WDR37: variants seen among roughly 807,000 people sequenced by gnomAD.
WDR37 encodes the protein WD repeat-containing protein 37.
Under a neutral mutation model 62.9 loss-of-function variants are expected in WDR37, and 19 were observed. The observed-to-expected ratio is 0.30, with a 90% confidence interval of 0.21 to 0.44. The LOEUF is 0.44. Ranked by LOEUF, WDR37 falls within the 20% of genes least tolerant of loss-of-function variation. WDR37 has a pLI of 1.00. For synonymous variants in WDR37, 250 were observed against 260.9 expected (o/e 0.96, Z 0.40); for missense variants, 474 against 657.6 (o/e 0.72, Z 3.05).
chr10:1,092,179 CAAAA>C (rs1216415362), intron 7 of WDR37, among the ~76,000 whole-genome samples: 17 of 68,838 alleles, frequency 2.5e-4, no homozygotes, highest in Admixed American at 1.3e-3. Context: ...GACTCCGTCT[CAAAA>C]AAAAAAAAAA....
chr10:1,085,708 G>C (rs1834178222), intron 6 of WDR37, among the ~76,000 whole-genome samples: 1 of 152,150 alleles, frequency 6.6e-6, no homozygotes. Context: ...TGTTTTCATG[G>C]ATGAGCGCCT....
intron 11 of WDR37, among the ~76,000 whole-genome samples, chr10:1,119,888 A>G (rs138979771): frequency 4.6e-5 from 7 of 152,324 alleles, no homozygotes; most frequent in Non-Finnish European, 8.8e-5. Flanking sequence ...AGGGGTTTGG[A>G]GAGTAGCATG....
intron 6 of WDR37, among the ~76,000 whole-genome samples, chr10:1,085,235 G>A (rs1006713553): frequency 6.6e-6 from 1 of 152,098 alleles, no homozygotes; most frequent in Non-Finnish European, 1.5e-5. Context: ...GGCTCCCAAA[G>A]TGTTGGGATT....
intron 1 of WDR37, among the ~76,000 whole-genome samples, chr10:1,069,940 T>G (rs914743045): frequency 1.3e-5 from 2 of 152,112 alleles, no homozygotes; most frequent in African/African-American, 4.8e-5. Flanking sequence ...GCACAATAGC[T>G]CACATCTGTA....
rs71376884 is a variant in WDR37 at position 1,064,583 on chromosome 10, C to CTTTTTTT, written c.-40-7509_-40-7503dup. ...GGAAACAATTTGAGTGACAATGGATCTTTTTTTTTTTTTTTTTTTTTTTTT... is the reference window on the plus strand; with the variant it reads ...GGAAACAATTTGAGTGACAATGGATCTTTTTTTTTTTTTTTTTTTTTTTTTTTTTTTT... On this transcript the variant is annotated intron_variant, in intron 1 of 13. Coordinates refer to ENST00000263150, the MANE Select transcript of WDR37 (RefSeq NM_014023.4). 3.1e-3 allele frequency among the ~76,000 whole-genome samples: 220 copies of CTTTTTTT among 70,466 alleles called. 17 individuals are homozygous for CTTTTTTT. The highest frequency in any genetic ancestry group is 9.2e-3 in the African/African-American group (153 of 16,542). 46.2% of individuals were successfully genotyped at this position (70,466 alleles called of 152,430 possible). A position where few individuals can be genotyped will look rare whatever the true frequency, so the allele number is the denominator to read the frequency against.
intron 12 of WDR37, 136 bp from the exon 13 acceptor site, chr10:1,124,774 G>GTAACT: frequency 8.7e-7 from 1 of 1,152,384 alleles, no homozygotes; most frequent in Non-Finnish European, 1.2e-6. Flanking sequence ...CCGTAAGCAG[G>GTAACT]TGGTACACGC....
At chr10:1,097,751 G>T (rs1834637340) in intron 9 of WDR37, among the ~76,000 whole-genome samples, 2 of 152,154 alleles carry the variant, frequency 1.3e-5, no homozygotes, top group South Asian at 4.1e-4. Context: ...TTGCCTTGTG[G>T]GGTTTTGGAC....
chr10:1,069,727 G>T (rs945527729), intron 1 of WDR37, among the ~76,000 whole-genome samples: 4 of 151,862 alleles, frequency 2.6e-5, no homozygotes, highest in Non-Finnish European at 5.9e-5. Flanking sequence ...TGAACATGTG[G>T]CACCTAAAGG....
intron 7 of WDR37, among the ~76,000 whole-genome samples, chr10:1,092,872 C>CAAAAAAAAAAAAAAAAAAAAAAAAAA (rs56220560): frequency 2.1e-4 from 9 of 41,976 alleles, no homozygotes; most frequent in East Asian, 1.9e-3. Flanking sequence ...CCCTATCTCA[C>CAAAAAAAAAAAAAAAAAAAAAAAAAA]AAAAAAAAAA....
At chr10:1,107,571 AAC>A (rs1250906952) in intron 11 of WDR37, among the ~76,000 whole-genome samples, 1 of 150,736 alleles carries the variant, frequency 6.6e-6, no homozygotes, top group Non-Finnish European at 1.5e-5. Context: ...CTCTCTCTGA[AAC>A]ACACGCCCAC....
At chr10:1,126,233 G>A (rs533330371) in intron 13 of WDR37, among the ~76,000 whole-genome samples, 139 of 152,118 alleles carry the variant, frequency 9.1e-4, no homozygotes, top group Admixed American at 3.8e-3. Context: ...GTGAAACCCT[G>A]TCTCTAATAA....
chr10:1,103,636 A>C lies in WDR37; in HGVS notation c.761A>C (p.Lys254Thr). 6.2e-7 allele frequency: 1 copy of C among 1,614,232 alleles called. No homozygotes were observed. Among genetic ancestry groups the C allele is most frequent in the East Asian group, 2.2e-5 (1 of 44,890 alleles). The change falls in exon 10 of 14, where the codon AAG becomes ACG. Residue 254 changes from lysine (K) to threonine (T), a missense_variant. By Grantham distance (78) the Lys-to-Thr change is moderately conservative (BLOSUM62 -1). Coordinates refer to ENST00000263150, the MANE Select transcript of WDR37 (RefSeq NM_014023.4). The surrounding 1 kb of genome is among the most constrained non-coding windows in gnomAD (Gnocchi z 6.3). ...GAAGATGAAGTAGAGTGCTCTGACA[A>C]GGACGAGCCCGACCTCGATGGGGAT... ...SGEDEVECSD[K>T]DEPDLDGDVS... is the part of the protein sequence containing the mutation.
chr10:1,071,662 A>G (rs1833731810), intron 1 of WDR37, among the ~76,000 whole-genome samples: 1 of 152,222 alleles, frequency 6.6e-6, no homozygotes, highest in Admixed American at 6.5e-5. Context: ...TGGGTTAAGT[A>G]AATCATTAAA....
chr10:1,113,423 T>C (rs1230749916), intron 11 of WDR37, among the ~76,000 whole-genome samples: 1 of 152,230 alleles, frequency 6.6e-6, no homozygotes, highest in Non-Finnish European at 1.5e-5. Flanking sequence ...CAGCCCATGG[T>C]TCAAGGAGTC....
At chr10:1,097,849 T>C (rs1348847420) in intron 9 of WDR37, among the ~76,000 whole-genome samples, 1 of 152,184 alleles carries the variant, frequency 6.6e-6, no homozygotes, top group East Asian at 1.9e-4. Context: ...TACTGTTGTA[T>C]TTTGGGAACA....
chr10:1,099,241 G>A (rs1328057195), intron 9 of WDR37, among the ~76,000 whole-genome samples: 1 of 152,190 alleles, frequency 6.6e-6, no homozygotes, highest in African/African-American at 2.4e-5. Context: ...TAGTTTCAAT[G>A]ACAGGATAAA....
At chr10:1,099,601 G>A (rs560501011) in intron 9 of WDR37, among the ~76,000 whole-genome samples, 157 of 152,312 alleles carry the variant, frequency 1.0e-3, no homozygotes, top group African/African-American at 3.7e-3. Flanking sequence ...TCTCTTTGTG[G>A]AATTGCCAGA....
At position 1,077,990 on chromosome 10, in the gene WDR37, C is replaced by T. The variant is rs764425377; in HGVS notation, c.222C>T (p.Ile74=). The change falls in exon 3 of 14, where the codon ATC becomes ATT. Residue 74 remains isoleucine (I), a synonymous_variant. Transcript: ENST00000263150. ...QIEREFENLY[I]ENLELRREID... ...AAAGAGAATTTGAAAACCTTTATATCGAAAACTTAGAATGTGAGTATCTCC... is the reference window on the plus strand; with the variant it reads ...AAAGAGAATTTGAAAACCTTTATATTGAAAACTTAGAATGTGAGTATCTCC... The T allele has an allele frequency of 1.8e-5, 29 of 1,608,046 alleles. No homozygotes were observed. Among genetic ancestry groups the T allele is most frequent in the East Asian group, 6.7e-5 (3 of 44,682 alleles).
rs41314627 is a variant in WDR37 at position 1,074,369 on chromosome 10, G to A, written c.138+2076G>A. Reference sequence around the variant, plus strand: ...GACTGCATCTCATGGTAACCCTCACGAAGGTAGCTCAGAGGTCTCCAAGCC... The same window carrying A: ...GACTGCATCTCATGGTAACCCTCACAAAGGTAGCTCAGAGGTCTCCAAGCC... On this transcript the variant is annotated intron_variant, in intron 2 of 13. Coordinates refer to ENST00000263150, the MANE Select transcript of WDR37 (RefSeq NM_014023.4). 7.3e-3 allele frequency: 9,280 copies of A among 1,276,328 alleles called. 41 individuals are homozygous for A. The highest frequency in any genetic ancestry group is 8.5e-3 in the Non-Finnish European group (8,264 of 973,504). 79.1% of individuals were successfully genotyped at this position (1,276,328 alleles called of 1,614,324 possible).
Sources: allele counts gnomAD v4.1 joint callset (sites outside exome capture counted in the v4.1 genomes callset), GRCh38; gene constraint gnomAD v4.1.1; non-coding constraint Gnocchi (gnomAD v3.1); transcripts MANE v1.5; gene names NCBI Gene and HGNC (gene_info 2026-07-23, HGNC 2026-07-21).